RERE: variants seen among roughly 807,000 people sequenced by gnomAD.
The protein encoded by RERE is arginine-glutamic acid dipeptide repeats protein.
Under a neutral mutation model 146.1 loss-of-function variants are expected in RERE, and 40 were observed. The observed-to-expected ratio is 0.27, with a 90% confidence interval of 0.21 to 0.36. RERE has a LOEUF of 0.36. Ranked by LOEUF, RERE falls within the 10% of genes least tolerant of loss-of-function variation. RERE has a pLI of 1.00. For missense variants in RERE, 1,933 were observed against 2,138.7 expected (o/e 0.90, Z 1.90); for synonymous variants, 1,003 against 866.0 (o/e 1.16, Z -2.78).
At chr1:8,542,661 C>T (rs1645813199) in intron 6 of RERE, among the ~76,000 whole-genome samples, 1 of 152,034 alleles carries the variant, frequency 6.6e-6, no homozygotes, top group African/African-American at 2.4e-5. Flanking sequence ...CCCATCTCAC[C>T]ACACCTGGTT....
chr1:8,744,778 C>A (rs566176717), intron 1 of RERE, among the ~76,000 whole-genome samples: 9 of 152,142 alleles, frequency 5.9e-5, no homozygotes, highest in African/African-American at 2.2e-4. Flanking sequence ...ATATATGTTC[C>A]CCATACAAAA....
At chr1:8,712,925 C>T (rs1056243213) in intron 1 of RERE, among the ~76,000 whole-genome samples, 1 of 152,046 alleles carries the variant, frequency 6.6e-6, no homozygotes, top group Non-Finnish European at 1.5e-5. Context: ...CAGCCTAAGG[C>T]GTCATGGTTG....
At chr1:8,435,575 G>A (rs1249025883) in intron 11 of RERE, among the ~76,000 whole-genome samples, 1 of 152,158 alleles carries the variant, frequency 6.6e-6, no homozygotes, top group Non-Finnish European at 1.5e-5. Flanking sequence ...CATCCCCTCC[G>A]TGATGCCAGC....
chr1:8,668,963 T>TG (rs1553130735), intron 1 of RERE, among the ~76,000 whole-genome samples: 74 of 42,328 alleles, frequency 1.7e-3, no homozygotes, highest in East Asian at 3.1e-3. Flanking sequence ...TGTGTGTGTG[T>TG]TGTGTTTTTA....
intron 7 of RERE, among the ~76,000 whole-genome samples, chr1:8,536,689 C>T (rs1161376168): frequency 2.0e-5 from 3 of 152,152 alleles, no homozygotes; most frequent in Non-Finnish European, 4.4e-5. Flanking sequence ...AGTATGCTCA[C>T]CACAGAAGTA....
intron 3 of RERE, among the ~76,000 whole-genome samples, chr1:8,619,714 T>C (rs1646895954): frequency 6.6e-6 from 1 of 152,270 alleles, no homozygotes; most frequent in Admixed American, 6.5e-5. Context: ...CCATGATTAC[T>C]TCCAGATGGC....
chr1:8,587,872 T>G (rs536359030), intron 4 of RERE, among the ~76,000 whole-genome samples: 2 of 152,332 alleles, frequency 1.3e-5, no homozygotes, highest in East Asian at 3.9e-4. Context: ...TTTGACTAAG[T>G]CCTTCCCTCA....
intron 4 of RERE, among the ~76,000 whole-genome samples, chr1:8,608,523 C>T (rs1018330327): frequency 6.6e-6 from 1 of 151,836 alleles, no homozygotes; most frequent in Non-Finnish European, 1.5e-5. Context: ...CAAAAAAACC[C>T]CAAAACATGA....
rs536826899 is a variant in RERE at position 8,465,394 on chromosome 1, A to C, written c.1203+531T>G. 358 of 253,364 alleles carry C rather than the reference A, an allele frequency of 1.4e-3. 4 individuals are homozygous for C. In the South Asian group the frequency reaches 0.016, roughly 11 times the overall value. The allele number at this position is 253,364 out of a possible 1,614,324, so 15.7% of individuals were successfully genotyped here. A position where few individuals can be genotyped will look rare whatever the true frequency, so the allele number is the denominator to read the frequency against. ...CAGGGGTCTTACAAGCCCTATAAAA[A>C]CAAGTCACCAAGCCAAGCATGGTAG... On this transcript the variant is annotated intron_variant, in intron 11 of 22. Transcript: ENST00000400908.
chr1:8,502,811 C>T (rs1645192830), intron 8 of RERE, among the ~76,000 whole-genome samples: 1 of 147,838 alleles, frequency 6.8e-6, no homozygotes, highest in Non-Finnish European at 1.5e-5. Context: ...CTCTCTGAAA[C>T]ATGTGCTGTG....
rs1646821015 is a variant in RERE at position 8,613,945 on chromosome 1, A to C, written c.522+616T>G. On this transcript the variant is annotated intron_variant, in intron 4 of 22. Transcript: ENST00000400908. ...TCACCCACATGGGTCCCTGTGTTTT[A>C]AGGGATAAAGCACTACAGATACTTC... Among the ~76,000 whole-genome samples the C allele has an allele frequency of 2.6e-5, 4 of 152,330 alleles. No homozygotes were observed. In the South Asian group the frequency reaches 6.2e-4, roughly 24 times the overall value.
Position 8,490,769 on chromosome 1 carries a change from C to T in RERE, c.1104+4294G>A, listed in dbSNP as rs146946911. Reference sequence around the variant, plus strand: ...AAAAATAAAAAAAACATTGAAAACACGATACTTCAATGGCTATCTGAGGCT... The same window carrying T: ...AAAAATAAAAAAAACATTGAAAACATGATACTTCAATGGCTATCTGAGGCT... On this transcript the variant is annotated intron_variant, in intron 10 of 22. Transcript: ENST00000400908. 5.9e-4 allele frequency among the ~76,000 whole-genome samples: 88 copies of T among 150,342 alleles called. 9 individuals are homozygous for T. Among genetic ancestry groups the T allele is most frequent in the African/African-American group, 2.1e-3 (82 of 39,786 alleles).
chr1:8,796,666 C>A (rs1281016299), intron 1 of RERE: 1 of 151,552 alleles, frequency 6.6e-6, no homozygotes, highest in African/African-American at 2.4e-5. Flanking sequence ...CTAACTTCAG[C>A]CTGATACTGT....
In RERE at chr1:8,516,227, G is replaced by GGAAAA. The variant is rs573135224; in HGVS notation, c.831-7553_831-7552insTTTTC. Among the ~76,000 whole-genome samples the GGAAAA allele has an allele frequency of 2.7e-4, 14 of 52,308 alleles. 1 individual carries two copies. The highest frequency in any genetic ancestry group is 1.2e-3 in the African/African-American group (14 of 11,628). 34.3% of individuals were successfully genotyped at this position (52,308 alleles called of 152,430 possible). On this transcript the variant is annotated intron_variant, in intron 7 of 22. Transcript: ENST00000400908. ...GGGACGGAGCAAGACTCTCTCAGAG[G>GGAAAA]AAAAAAAAAAAAAAAAAAAAAATCT...
intron 4 of RERE, among the ~76,000 whole-genome samples, chr1:8,573,645 A>G (rs1646251730): frequency 6.6e-6 from 1 of 152,162 alleles, no homozygotes; most frequent in Non-Finnish European, 1.5e-5. Flanking sequence ...TTTCTATTCA[A>G]ATTATTTCGA....
rs1645192125 is a variant in RERE, at chr1:8,502,767, C to T, written c.880-5238G>A. Reference sequence around the variant, plus strand: ...AAGAAAAATTCTTCTGCCTTGGGATCCTGTTGATCTGTGACCTTATCCCCA... The same window carrying T: ...AAGAAAAATTCTTCTGCCTTGGGATTCTGTTGATCTGTGACCTTATCCCCA... On this transcript the variant is annotated intron_variant, in intron 8 of 22. Transcript: ENST00000400908. 8.1e-5 allele frequency among the ~76,000 whole-genome samples: 12 copies of T among 147,658 alleles called. No homozygotes were observed. In the South Asian group the frequency reaches 2.6e-3, roughly 32 times the overall value.
chr1:8,691,432 C>T (rs982844402), intron 1 of RERE, among the ~76,000 whole-genome samples: 2 of 152,138 alleles, frequency 1.3e-5, no homozygotes, highest in Non-Finnish European at 1.5e-5. Context: ...CACAAGTGTT[C>T]GCACAAGTCA....
chr1:8,639,750 C>T (rs1455426652), intron 2 of RERE, among the ~76,000 whole-genome samples: 1 of 152,174 alleles, frequency 6.6e-6, no homozygotes, highest in Non-Finnish European at 1.5e-5. Context: ...CTTTTTGTGA[C>T]ATTTCCTTTC....
At chr1:8,573,171 A>C (rs1360989048) in intron 4 of RERE, among the ~76,000 whole-genome samples, 2 of 152,158 alleles carry the variant, frequency 1.3e-5, no homozygotes, top group African/African-American at 4.8e-5. Context: ...GACAGGCAGA[A>C]AGGTATAAAA....
Sources: allele counts gnomAD v4.1 joint callset (sites outside exome capture counted in the v4.1 genomes callset), GRCh38; gene constraint gnomAD v4.1.1; transcripts MANE v1.5; gene names NCBI Gene and HGNC (gene_info 2026-07-23, HGNC 2026-07-21).